The following ADAMTS12 variants were observed in gnomAD, a reference collection of about 807,000 sequenced individuals.
The protein encoded by ADAMTS12 is A disintegrin and metalloproteinase with thrombospondin motifs 12.
Under a neutral mutation model 167.8 loss-of-function variants are expected in ADAMTS12, and 118 were observed. The ratio of observed to expected loss-of-function variants is 0.70; its 90% CI spans 0.61 to 0.82. ADAMTS12 has a LOEUF of 0.82. Among genes scored for constraint, ADAMTS12 ranks in the 40% least tolerant of loss-of-function variants. The probability of loss-of-function intolerance (pLI) is 0.00; values close to 1 mark genes in which losing one functional copy is unlikely to be tolerated. For synonymous variants in ADAMTS12, 704 were observed against 716.9 expected (o/e 0.98, Z 0.29); for missense variants, 1,916 against 1,998.8 (o/e 0.96, Z 0.79).
At chr5:33,650,612 T>C (rs894341459) in intron 7 of ADAMTS12, among the ~76,000 whole-genome samples, 2 of 152,270 alleles carry the variant, frequency 1.3e-5, no homozygotes, top group Admixed American at 6.5e-5. Flanking sequence ...TCACTTGGTC[T>C]GTTCCCTGAC....
At chr5:33,770,392 G>A (rs1405362212) in intron 2 of ADAMTS12, among the ~76,000 whole-genome samples, 2 of 152,064 alleles carry the variant, frequency 1.3e-5, no homozygotes, top group African/African-American at 4.8e-5. Flanking sequence ...CTGTTTGGGG[G>A]TCCAGGAGGA....
chr5:33,724,223 A>G (rs1332503014), intron 3 of ADAMTS12, among the ~76,000 whole-genome samples: 1 of 152,180 alleles, frequency 6.6e-6, no homozygotes, highest in East Asian at 1.9e-4. Flanking sequence ...CCTTACTTTA[A>G]GTGAAATCTG....
At chr5:33,820,812 T>C (rs1288627425) in intron 2 of ADAMTS12, among the ~76,000 whole-genome samples, 1 of 152,170 alleles carries the variant, frequency 6.6e-6, no homozygotes, top group Non-Finnish European at 1.5e-5. Flanking sequence ...CAAGATCATG[T>C]CCTTTGCAAG....
chr5:33,680,917 G>A (rs1483001813), intron 5 of ADAMTS12, among the ~76,000 whole-genome samples: 1 of 152,050 alleles, frequency 6.6e-6, no homozygotes, highest in East Asian at 1.9e-4. Flanking sequence ...CTTCTCTGCT[G>A]GACATAAATC....
intron 2 of ADAMTS12, among the ~76,000 whole-genome samples, chr5:33,831,673 T>C (rs1012478298): frequency 6.6e-6 from 1 of 152,242 alleles, no homozygotes; most frequent in African/African-American, 2.4e-5. Flanking sequence ...ACTGTGCTGC[T>C]TAATTACCAA....
At chr5:33,675,418 CTTCTGACA>C (rs1027793181) in intron 5 of ADAMTS12, among the ~76,000 whole-genome samples, 4 of 152,152 alleles carry the variant, frequency 2.6e-5, no homozygotes, top group Admixed American at 1.3e-4. Flanking sequence ...ATAGGAGATT[CTTCTGACA>C]TTCCAGTTTT....
intron 16 of ADAMTS12, among the ~76,000 whole-genome samples, chr5:33,605,958 T>TC: frequency 3.7e-5 from 1 of 27,384 alleles, no homozygotes; most frequent in South Asian, 1.8e-3. Flanking sequence ...CAATCCTCTC[T>TC]TTTTTTTGAG....
Position 33,576,692 on chromosome 5 carries a change from C to A in ADAMTS12, c.3334G>T (p.Gly1112Cys). The A allele has an allele frequency of 1.9e-6, 3 of 1,614,214 alleles. No homozygotes were observed. The South Asian group carries it at 3.3e-5, about 18-fold the overall frequency. Residue 1112 changes from glycine (G) to cysteine (C), a missense_variant, in exon 19 of 24, where the codon GGT becomes TGT. Gly to Cys is a radical substitution (Grantham distance 159). Coordinates refer to ENST00000504830, the MANE Select transcript of ADAMTS12 (RefSeq NM_030955.4). ...SEENVSSSDT[G>C]PTSEGGLVAT... is the part of the protein sequence containing the mutation. ...ACAAGGCCTCCCTCCGAGGTAGGAC[C>A]AGTATCTGAACTGGAAACATTTTCC...
chr5:33,777,955 ATAAATT>A (rs1745975518), intron 2 of ADAMTS12, among the ~76,000 whole-genome samples: 2 of 152,190 alleles, frequency 1.3e-5, no homozygotes, highest in East Asian at 3.9e-4. Flanking sequence ...ATAATTAGAA[ATAAATT>A]TAATCAGAGG....
At chr5:33,773,854 T>A (rs754119391) in intron 2 of ADAMTS12, among the ~76,000 whole-genome samples, 1 of 152,150 alleles carries the variant, frequency 6.6e-6, no homozygotes, top group South Asian at 2.1e-4. Context: ...GAAAGAAATA[T>A]GGCCAAGAAG....
Position 33,526,336 on chromosome 5 carries a change from A to T in ADAMTS12, c.*852T>A, listed in dbSNP as rs27739. The T allele has an allele frequency of 0.71, 107,570 of 152,020 alleles. 39,395 individuals carry two copies. The highest frequency in any genetic ancestry group is 0.89 in the African/African-American group (37,021 of 41,502). The allele number at this position is 152,020 out of a possible 1,614,324, so 9.4% of individuals were successfully genotyped here. A position where few individuals can be genotyped will look rare whatever the true frequency, so the allele number is the denominator to read the frequency against. On this transcript the variant is annotated 3_prime_UTR_variant, in exon 24 of 24. Coordinates refer to ENST00000504830, the MANE Select transcript of ADAMTS12 (RefSeq NM_030955.4). ...ATGGGAGGAAGTCAGCCAGGAAGACACATTTTCCCTTCTGCAAAGGAGTGT... is the reference window on the plus strand; with the variant it reads ...ATGGGAGGAAGTCAGCCAGGAAGACTCATTTTCCCTTCTGCAAAGGAGTGT...
intron 5 of ADAMTS12, among the ~76,000 whole-genome samples, chr5:33,675,740 C>A (rs1741878128): frequency 6.6e-6 from 1 of 152,066 alleles, no homozygotes; most frequent in Non-Finnish European, 1.5e-5. Context: ...TTTTTTTCAA[C>A]CTTTTCAGCT....
At chr5:33,686,790 CTATA>C (rs1190935181) in intron 3 of ADAMTS12, among the ~76,000 whole-genome samples, 2 of 149,644 alleles carry the variant, frequency 1.3e-5, no homozygotes, top group African/African-American at 4.9e-5. Flanking sequence ...TATTCAGTGC[CTATA>C]TATATAGAGA....
intron 18 of ADAMTS12, 31 bp downstream of exon 18, chr5:33,588,568 T>C (rs1393736409): frequency 3.7e-6 from 6 of 1,607,426 alleles, no homozygotes; most frequent in Non-Finnish European, 4.3e-6. Flanking sequence ...GCTTGAATAA[T>C]GCCAGTTTCC....
At position 33,576,096 on chromosome 5, in the gene ADAMTS12, G is replaced by T; in HGVS notation, c.3930C>A (p.Asn1310Lys). 1.2e-6 allele frequency: 2 copies of T among 1,614,052 alleles called. No individual in the cohort carries two copies. Among genetic ancestry groups the T allele is most frequent in the Non-Finnish European group, 1.7e-6 (2 of 1,180,018 alleles). Residue 1310 changes from asparagine (N) to lysine (K), a missense_variant, in exon 19 of 24, where the codon AAC becomes AAA. By Grantham distance (94) the Asn-to-Lys change is moderately conservative. Coordinates refer to ENST00000504830, the MANE Select transcript of ADAMTS12 (RefSeq NM_030955.4). ...LNASNYKQLT[N>K]GHGSAHWIVG... ...CGATCCAGTGTGCAGAGCCGTGGCC[G>T]TTTGTGAGCTGCTTGTAATTGGAGG...
intron 2 of ADAMTS12, among the ~76,000 whole-genome samples, chr5:33,862,289 A>C (rs1446582455): frequency 6.6e-6 from 1 of 152,188 alleles, no homozygotes; most frequent in African/African-American, 2.4e-5. Flanking sequence ...CAGCCAGACT[A>C]ATAAAGAAGA....
chr5:33,710,267 T>A (rs1214468078), intron 3 of ADAMTS12, among the ~76,000 whole-genome samples: 1 of 152,202 alleles, frequency 6.6e-6, no homozygotes, highest in East Asian at 1.9e-4. Flanking sequence ...ACTAATCAGA[T>A]AAAATTTCTG....
intron 7 of ADAMTS12, among the ~76,000 whole-genome samples, chr5:33,650,901 G>T (rs1338059316): frequency 6.6e-6 from 1 of 152,198 alleles, no homozygotes; most frequent in African/African-American, 2.4e-5. Flanking sequence ...CAACTCGTCT[G>T]ACTGGGAAGC....
chr5:33,679,041 C>T (rs913488881), intron 5 of ADAMTS12, among the ~76,000 whole-genome samples: 2 of 152,136 alleles, frequency 1.3e-5, no homozygotes, highest in South Asian at 4.1e-4. Context: ...ATGTCATGTG[C>T]AGACATGAGC....
Sources: gnomAD v4.1 joint callset for allele counts (sites outside exome capture counted in the v4.1 genomes callset) on GRCh38, gnomAD v4.1.1 for gene constraint, MANE v1.5 for transcripts, NCBI Gene and HGNC (gene_info 2026-07-23, HGNC 2026-07-21) for gene names.